The following ELAPOR2 variants were observed in gnomAD, a reference collection of about 807,000 sequenced individuals.
ELAPOR2 encodes endosome-lysosome associated apoptosis and autophagy regulator family member 2.
A neutral mutation model predicts 120.7 loss-of-function variants in ELAPOR2; 89 were observed. The observed-to-expected ratio is 0.74, with a 90% CI of 0.62 to 0.88. The LOEUF (loss-of-function observed/expected upper bound fraction) is 0.88, where lower values mean the gene tolerates loss of function less well. ELAPOR2 is among the 40% of genes least tolerant of loss of function. ELAPOR2 has a pLI of 0.00. For missense variants in ELAPOR2, 1,134 were observed against 1,251.6 expected (o/e 0.91, Z 1.42); for synonymous variants, 444 against 444.9 (o/e 1.00, Z 0.03).
intron 1 of ELAPOR2, among the ~76,000 whole-genome samples, chr7:87,026,395 A>G (rs1214999786): frequency 2.0e-5 from 3 of 151,804 alleles, no homozygotes; most frequent in African/African-American, 4.8e-5. Flanking sequence ...CACTTTTTTC[A>G]TGTTTAAACA....
chr7:87,021,424 A>G (rs929627905), intron 1 of ELAPOR2, among the ~76,000 whole-genome samples: 3 of 152,166 alleles, frequency 2.0e-5, no homozygotes, highest in Admixed American at 2.0e-4. Flanking sequence ...CCATGTAAAT[A>G]AATATACTGC....
At chr7:86,915,933 T>C (rs576888201) in intron 12 of ELAPOR2, among the ~76,000 whole-genome samples, 1 of 152,134 alleles carries the variant, frequency 6.6e-6, no homozygotes, top group Non-Finnish European at 1.5e-5. Flanking sequence ...TGGTGCTTCA[T>C]TAAACATCAT....
At chr7:87,017,919 A>C (rs893050983) in intron 1 of ELAPOR2, among the ~76,000 whole-genome samples, 1 of 152,192 alleles carries the variant, frequency 6.6e-6, no homozygotes, top group Non-Finnish European at 1.5e-5. Context: ...AGACTGTCTC[A>C]AAAAATAAAA....
intron 1 of ELAPOR2, among the ~76,000 whole-genome samples, chr7:86,968,688 T>C (rs1056926336): frequency 2.0e-5 from 3 of 152,018 alleles, no homozygotes; most frequent in African/African-American, 7.2e-5. Flanking sequence ...TATTTTAGCA[T>C]GCTTCACAAT....
At chr7:86,980,846 A>G (rs888738524) in intron 1 of ELAPOR2, among the ~76,000 whole-genome samples, 1 of 152,100 alleles carries the variant, frequency 6.6e-6, no homozygotes, top group African/African-American at 2.4e-5. Flanking sequence ...CAAATAAATG[A>G]TTAACGTTTC....
chr7:86,979,761 A>G (rs1035371711), intron 1 of ELAPOR2, among the ~76,000 whole-genome samples: 9 of 152,362 alleles, frequency 5.9e-5, no homozygotes, highest in East Asian at 3.9e-4. Context: ...GCACAGGTTT[A>G]GAAAAGAAAC....
intron 1 of ELAPOR2, among the ~76,000 whole-genome samples, chr7:87,009,528 AT>A (rs1793588334): frequency 6.6e-6 from 1 of 152,194 alleles, no homozygotes; most frequent in Non-Finnish European, 1.5e-5. Context: ...AGGTACATAA[AT>A]TTAATATAGT....
chr7:87,043,183 C>G (rs1438179148), intron 1 of ELAPOR2, among the ~76,000 whole-genome samples: 1 of 151,592 alleles, frequency 6.6e-6, no homozygotes, highest in African/African-American at 2.4e-5. Context: ...ACCAGAGGTA[C>G]AAGGAGGAAC....
intron 1 of ELAPOR2, among the ~76,000 whole-genome samples, chr7:86,980,072 A>G (rs1792413198): frequency 6.6e-6 from 1 of 152,266 alleles, no homozygotes. Flanking sequence ...GAGATATTAA[A>G]GAAGAAATTA....
chr7:87,023,998 A>G (rs1335224483), intron 1 of ELAPOR2, among the ~76,000 whole-genome samples: 2 of 152,204 alleles, frequency 1.3e-5, no homozygotes, highest in African/African-American at 4.8e-5. Context: ...ATATACAATC[A>G]TGTCATCCGC....
Position 86,893,101 on chromosome 7 carries a change from CTT to C in ELAPOR2, c.2686-3_2686-2del. On this transcript the variant is annotated splice_acceptor_variant and splice_polypyrimidine_tract_variant and intron_variant, in intron 19 of 21. Transcript: ENST00000450689. LOFTEE classifies it high-confidence loss of function. ...GTTCATTCCACACATACAAGGTTTC[CTT>C]TAAAAAAAAAAACATAAAACCATAG... 2.6e-6 allele frequency: 4 copies of C among 1,521,180 alleles called. No homozygotes were observed. Among genetic ancestry groups the C allele is most frequent in the Non-Finnish European group, 8.7e-7 (1 of 1,145,156 alleles). 94.2% of individuals were successfully genotyped at this position (1,521,180 alleles called of 1,614,324 possible). A position where few individuals can be genotyped will look rare whatever the true frequency, so the allele number is the denominator to read the frequency against.
Position 86,891,843 on chromosome 7 carries a change from C to T in ELAPOR2, c.2911G>A (p.Glu971Lys), listed in dbSNP as rs1246831039. The T allele has an allele frequency of 6.2e-6, 10 of 1,611,040 alleles. No individual in the cohort carries two copies. The highest frequency in any genetic ancestry group is 1.7e-4 in the Middle Eastern group (1 of 6,042). Residue 971 changes from glutamate to lysine, a missense_variant, in exon 21 of 22, where the codon GAG becomes AAG. Around this residue, in one of 3 missense-constraint regions of ELAPOR2, gnomAD observed 831 missense variants for 867.6 expected, o/e 0.96. Transcript: ENST00000450689. ...SKLVMTTNSK[E>K]CELPAADSCA... is the part of the protein sequence containing the mutation. ...CTGTCTGCAGCCGGGAGTTCACACT[C>T]TTTTGAGTTAGTCGTCATTACTAAC...
chr7:86,968,752 T>C lies in ELAPOR2; in HGVS notation c.190-3728A>G, dbSNP rs1016192594. Among the ~76,000 whole-genome samples the C allele has an allele frequency of 3.3e-5, 5 of 152,350 alleles. No individual in the cohort carries two copies. In the East Asian group the frequency reaches 7.7e-4, roughly 24 times the overall value. ...AATTTTCCCTACACTTCAGGGCTTC[T>C]GACAGTTTATCAACAAACACATTGA... is the stretch of plus-strand genomic sequence containing the variant. On this transcript the variant is annotated intron_variant, in intron 1 of 21. Coordinates refer to ENST00000450689, the MANE Select transcript of ELAPOR2 (RefSeq NM_001142749.3).
At position 86,944,913 on chromosome 7, in the gene ELAPOR2, A is replaced by T. The variant is rs1790940549; in HGVS notation, c.640T>A (p.Phe214Ile). 6.5e-7 allele frequency: 1 copy of T among 1,544,128 alleles called. No individual in the cohort carries two copies. The highest frequency in any genetic ancestry group is 1.2e-5 in the South Asian group (1 of 82,008). Residue 214 changes from phenylalanine to isoleucine, a missense_variant, in exon 4 of 22, where the codon TTC becomes ATC. This residue lies in a region of ELAPOR2 where 280 missense variants were observed against 331.5 expected (regional missense o/e 0.84). Transcript: ENST00000450689. ...AAAGGTCTTACAAAGAACTCAAAGA[A>T]GATGTTGTTGTCGACATACTGGTAC... ...FEYQYVDNNI[F>I]FEFFIQNDQC...
At chr7:86,978,913 C>G (rs1430279257) in intron 1 of ELAPOR2, among the ~76,000 whole-genome samples, 1 of 152,162 alleles carries the variant, frequency 6.6e-6, no homozygotes, top group African/African-American at 2.4e-5. Flanking sequence ...CTTGTGGCAA[C>G]ACTGTGAGGC....
Position 87,007,765 on chromosome 7 carries a change from A to G in ELAPOR2, c.190-42741T>C, listed in dbSNP as rs184082299. ...AATGAAACAGGTAAAGTAACATGGC[A>G]TCTAGCTCGATGGGGCTTCCAATAG... On this transcript the variant is annotated intron_variant, in intron 1 of 21. Transcript: ENST00000450689. 6.6e-5 allele frequency among the ~76,000 whole-genome samples: 10 copies of G among 152,346 alleles called. No individual in the cohort carries two copies. In the East Asian group the frequency reaches 1.9e-3, roughly 29 times the overall value.
At chr7:87,029,318 G>A (rs1794353702) in intron 1 of ELAPOR2, among the ~76,000 whole-genome samples, 1 of 152,182 alleles carries the variant, frequency 6.6e-6, no homozygotes, top group Non-Finnish European at 1.5e-5. Context: ...ATGGCACTTT[G>A]AAATATAGCC....
At chr7:86,922,892 G>T (rs1239335103) in intron 10 of ELAPOR2, among the ~76,000 whole-genome samples, 1 of 151,814 alleles carries the variant, frequency 6.6e-6, no homozygotes, top group East Asian at 1.9e-4. Flanking sequence ...TCAATATTGT[G>T]TTACTATTCT....
chr7:86,977,489 T>C (rs997619636), intron 1 of ELAPOR2, among the ~76,000 whole-genome samples: 5 of 152,192 alleles, frequency 3.3e-5, no homozygotes, highest in Admixed American at 3.3e-4. Context: ...TATCTCTCAA[T>C]ATCATGTCTC....
Sources: gnomAD v4.1 joint callset for allele counts (sites outside exome capture counted in the v4.1 genomes callset) on GRCh38, gnomAD v4.1.1 for gene constraint, gnomAD v4.1.1 regional missense constraint, MANE v1.5 for transcripts, NCBI Gene and HGNC (gene_info 2026-07-23, HGNC 2026-07-21) for gene names.